Variants in ABCB5 observed in about 807,000 individuals in gnomAD.
ABCB5 encodes the protein ATP-binding cassette sub-family B member 5.
Under a neutral mutation model 144.2 loss-of-function variants are expected in ABCB5, and 155 were observed. That is an observed-to-expected ratio of 1.08 (90% CI 0.94 to 1.23). The LOEUF (loss-of-function observed/expected upper bound fraction) is 1.23. ABCB5 is among the 50% of genes most tolerant of loss of function. The pLI is 0.00. For missense variants in ABCB5, 1,830 were observed against 1,520.8 expected, an observed-to-expected ratio of 1.20 and a Z score of -3.38; for synonymous variants, 610 against 528.6, an observed-to-expected ratio of 1.15 and a Z score of -2.11.
intron 20 of ABCB5, among the ~76,000 whole-genome samples, chr7:20,710,381 AG>A (rs1327200550): frequency 0.016 from 916 of 56,738 alleles, 106 homozygotes; most frequent in East Asian, 0.091. Flanking sequence ...AAAAAAAAAA[AG>A]TGGGGGGGGG....
At chr7:20,680,021 A>G (rs77035892) in intron 14 of ABCB5, among the ~76,000 whole-genome samples, 4,795 of 152,312 alleles carry the variant, frequency 0.031, 271 homozygotes, top group African/African-American at 0.11. Flanking sequence ...TCAATCAGGA[A>G]TAGAATGGAT....
chr7:20,619,043 G>C lies in ABCB5; in HGVS notation c.-22+3206G>C, dbSNP rs188667062. ...ACCTACTTCGGCCTCCCAAACTGCT[G>C]GGATTACAGGCTTGAGCCACCATGC... On this transcript the variant is annotated intron_variant, in intron 1 of 27. Coordinates refer to ENST00000404938, the MANE Select transcript of ABCB5 (RefSeq NM_001163941.2). Among the ~76,000 whole-genome samples the C allele has an allele frequency of 7.2e-4, 110 of 152,072 alleles. 1 individual carries two copies. The highest frequency in any genetic ancestry group is 2.6e-3 in the African/African-American group (106 of 41,480).
rs142981969 is a variant in ABCB5 at position 20,713,749 on chromosome 7, G to A, written c.2421+8942G>A. Among the ~76,000 whole-genome samples the A allele has an allele frequency of 4.5e-3, 678 of 149,598 alleles. 56 individuals are homozygous for A. Among genetic ancestry groups the A allele is most frequent in the African/African-American group, 0.016 (643 of 40,490 alleles). On this transcript the variant is annotated intron_variant, in intron 20 of 27. Coordinates refer to ENST00000404938, the MANE Select transcript of ABCB5 (RefSeq NM_001163941.2). The stretch of plus-strand genomic sequence containing the variant: ...AAACCCTTCCACATACTCTACCTAC[G>A]CCCTGTGGCTCAGAAGGTTTTCCAG...
chr7:20,622,081 C>T (rs1783815721), intron 1 of ABCB5, among the ~76,000 whole-genome samples: 1 of 152,110 alleles, frequency 6.6e-6, no homozygotes, highest in African/African-American at 2.4e-5. Flanking sequence ...CTTGGTAAAG[C>T]ACAGTTATGA....
Position 20,646,114 on chromosome 7 carries a change from A to G in ABCB5, c.957A>G (p.Gly319=), listed in dbSNP as rs1784402302. 3 of 1,613,514 alleles carry G rather than the reference A, an allele frequency of 1.9e-6. No homozygotes were observed. The highest frequency in any genetic ancestry group is 2.5e-6 in the Non-Finnish European group (3 of 1,179,728). Residue 319 remains glycine, a synonymous_variant, in exon 9 of 28, where the codon GGA becomes GGG. Coordinates refer to ENST00000404938, the MANE Select transcript of ABCB5 (RefSeq NM_001163941.2). ...GTSLILNGEP[G]YTIGTVLAVF... is the part of the protein sequence containing the mutation. ...CCTTGATTCTTAATGGAGAACCTGG[A>G]TATACCATCGGGACTGTTCTTGCTG...
intron 1 of ABCB5, among the ~76,000 whole-genome samples, chr7:20,620,722 G>T (rs936266458): frequency 2.6e-5 from 4 of 151,936 alleles, no homozygotes; most frequent in Admixed American, 2.6e-4. Context: ...GATTTCTATT[G>T]TCCATTAATC....
intron 2 of ABCB5, among the ~76,000 whole-genome samples, 160 bp from the exon 3 acceptor site, chr7:20,626,397 C>T (rs1251119859): frequency 6.6e-6 from 1 of 152,152 alleles, no homozygotes; most frequent in East Asian, 1.9e-4. Context: ...TACAGACAAC[C>T]AGTGACAACT....
At chr7:20,618,663 C>T (rs1783739426) in intron 1 of ABCB5, among the ~76,000 whole-genome samples, 1 of 149,728 alleles carries the variant, frequency 6.7e-6, no homozygotes, top group Non-Finnish European at 1.5e-5. Flanking sequence ...AAACATACAA[C>T]ATTTGGTTTT....
At chr7:20,747,544 C>A (rs1300563659) in intron 26 of ABCB5, among the ~76,000 whole-genome samples, 1 of 152,188 alleles carries the variant, frequency 6.6e-6, no homozygotes, top group Non-Finnish European at 1.5e-5. Context: ...CAGGCATAAG[C>A]CACCACATCT....
chr7:20,688,980 G>T (rs906380728), intron 16 of ABCB5, among the ~76,000 whole-genome samples: 4 of 151,488 alleles, frequency 2.6e-5, no homozygotes, highest in Admixed American at 1.3e-4. Flanking sequence ...GGTGGGGAGA[G>T]GGGGGAGGGA....
intron 14 of ABCB5, chr7:20,659,785 G>A: frequency 1.0e-6 from 1 of 983,026 alleles, no homozygotes; most frequent in East Asian, 1.1e-4. Flanking sequence ...CTGTGTTCAA[G>A]CGATTCTCCT....
At chr7:20,754,853 G>C (rs961107289) in intron 27 of ABCB5, among the ~76,000 whole-genome samples, 1 of 152,110 alleles carries the variant, frequency 6.6e-6, no homozygotes, top group Non-Finnish European at 1.5e-5. Flanking sequence ...CTGACTGTGA[G>C]TTTAGAACCA....
intron 14 of ABCB5, among the ~76,000 whole-genome samples, chr7:20,673,412 A>T (rs927306957): frequency 6.6e-6 from 1 of 152,058 alleles, no homozygotes; most frequent in African/African-American, 2.4e-5. Flanking sequence ...GTAATTGTAC[A>T]TATTTTGGTG....
chr7:20,706,329 T>G (rs1045658649), intron 20 of ABCB5, among the ~76,000 whole-genome samples: 1 of 152,214 alleles, frequency 6.6e-6, no homozygotes, highest in Non-Finnish European at 1.5e-5. Context: ...TTCAAATCTT[T>G]TCGGAATCTT....
chr7:20,642,514 C>T (rs1056547496), intron 5 of ABCB5, among the ~76,000 whole-genome samples: 2 of 152,166 alleles, frequency 1.3e-5, no homozygotes, highest in African/African-American at 4.8e-5. Context: ...TACTTCCTTC[C>T]TAGAAAAACC....
intron 16 of ABCB5, among the ~76,000 whole-genome samples, chr7:20,698,135 A>T (rs1786487324): frequency 6.6e-6 from 1 of 152,216 alleles, no homozygotes; most frequent in Non-Finnish European, 1.5e-5. Flanking sequence ...ATTACATGTG[A>T]GTTAACTGTA....
chr7:20,665,378 G>A (rs555279364), intron 14 of ABCB5, among the ~76,000 whole-genome samples: 1 of 152,132 alleles, frequency 6.6e-6, no homozygotes. Context: ...TTGAGCCCTG[G>A]AACCCATGTC....
chr7:20,667,874 G>A (rs1470113261), intron 14 of ABCB5, among the ~76,000 whole-genome samples: 1 of 147,650 alleles, frequency 6.8e-6, no homozygotes, highest in Non-Finnish European at 1.5e-5. Flanking sequence ...GGCGCACGCC[G>A]CCACGCCTGA....
chr7:20,637,386 G>A (rs944571624), intron 5 of ABCB5, among the ~76,000 whole-genome samples: 4 of 151,632 alleles, frequency 2.6e-5, no homozygotes, highest in Non-Finnish European at 5.9e-5. Context: ...TCAATATGAT[G>A]CCTCCTCTTT....
Sources: gnomAD v4.1 joint callset for allele counts (sites outside exome capture counted in the v4.1 genomes callset) on GRCh38, gnomAD v4.1.1 for gene constraint, MANE v1.5 for transcripts, NCBI Gene and HGNC (gene_info 2026-07-23, HGNC 2026-07-21) for gene names.